The following ZNF473 variants were observed in gnomAD, a reference collection of about 807,000 sequenced individuals.
The protein encoded by ZNF473 is zinc finger protein 473.
A neutral mutation model predicts 11.1 loss-of-function variants in ZNF473; 4 were observed. That is an observed-to-expected ratio of 0.36 (90% CI 0.18 to 0.82). The LOEUF (loss-of-function observed/expected upper bound fraction) is 0.82. Among genes scored for constraint, ZNF473 ranks in the 40% least tolerant of loss-of-function variants. The pLI is 0.49. For synonymous variants in ZNF473, 404 were observed against 390.4 expected (o/e 1.03, Z -0.41); for missense variants, 854 against 1,084.0 (o/e 0.79, Z 2.98).
In ZNF473 at chr19:50,030,904, T is replaced by G; in HGVS notation, c.-179T>G. 1 of 805,222 alleles carries G rather than the reference T, an allele frequency of 1.2e-6. No individual in the cohort carries two copies. Among genetic ancestry groups the G allele is most frequent in the African/African-American group, 1.7e-5 (1 of 58,808 alleles). 49.9% of individuals were successfully genotyped at this position (805,222 alleles called of 1,614,324 possible). ...TTGTCCCCTGCAGGGAGACTCACATTGGGACTTGTCCTCCTCCTCCTGGAC... is the reference window on the plus strand; with the variant it reads ...TTGTCCCCTGCAGGGAGACTCACATGGGGACTTGTCCTCCTCCTCCTGGAC... On this transcript the variant is annotated 5_prime_UTR_variant, in exon 2 of 5. It adds an upstream start codon to the 5' untranslated region. Coordinates refer to ENST00000270617, the MANE Select transcript of ZNF473 (RefSeq NM_015428.4).
Position 50,045,137 on chromosome 19 carries a change from A to C in ZNF473, c.694A>C (p.Thr232Pro). Residue 232 changes from threonine to proline, a missense_variant, in exon 5 of 5, where the codon ACT (threonine) becomes CCT (proline). Around this residue, in one of 2 missense-constraint regions of ZNF473, gnomAD observed 668 missense variants for 790.2 expected, o/e 0.85. Transcript: ENST00000270617. ...YRLTQHWITH[T>P]REKPTVHQEC... ...TCTTACCCAGCACTGGATCACTCAT[A>C]CTAGGGAGAAACCCACTGTCCATCA... 6.2e-7 allele frequency: 1 copy of C among 1,614,182 alleles called. No individual in the cohort carries two copies. Among genetic ancestry groups the C allele is most frequent in the Non-Finnish European group, 8.5e-7 (1 of 1,180,038 alleles).
intron 1 of ZNF473, among the ~76,000 whole-genome samples, chr19:50,026,841 C>T (rs764429069): frequency 5.9e-5 from 9 of 152,068 alleles, no homozygotes; most frequent in Non-Finnish European, 1.2e-4. Context: ...CCAGGCCTCC[C>T]TGATGGCCCT....
At chr19:50,036,969 T>A (rs1978483105) in intron 2 of ZNF473, among the ~76,000 whole-genome samples, 2 of 152,178 alleles carry the variant, frequency 1.3e-5, no homozygotes, top group Admixed American at 1.3e-4. Flanking sequence ...TGGGCCTTGA[T>A]TTTGTTTTCT....
At chr19:50,043,844 G>C (rs1038630542) in intron 4 of ZNF473, among the ~76,000 whole-genome samples, 6 of 150,084 alleles carry the variant, frequency 4.0e-5, no homozygotes, top group Non-Finnish European at 1.5e-5. Context: ...TTTCAGAGAA[G>C]GGTGATAAGC....
chr19:50,036,583 C>T (rs529460343), intron 2 of ZNF473, among the ~76,000 whole-genome samples: 9 of 151,916 alleles, frequency 5.9e-5, no homozygotes, highest in African/African-American at 2.2e-4. Flanking sequence ...CTTGGCCTCC[C>T]AAAGTGCTGG....
At chr19:50,031,118 T>C (rs1195253310) in intron 2 of ZNF473, 27 bp downstream of exon 2, 2 of 1,562,836 alleles carry the variant, frequency 1.3e-6, no homozygotes, top group Non-Finnish European at 1.7e-6. Context: ...TCTGTCCTAA[T>C]CGGTCACACC....
At position 50,047,262 on chromosome 19, in the gene ZNF473, G is replaced by GCC; in HGVS notation, c.*204_*205dup. ...TCAGGATTCAGAGGTAGGCTCTGGA[G>GCC]CCAGTCTACCTTGAGTTAAATCCCA... On this transcript the variant is annotated 3_prime_UTR_variant, in exon 5 of 5. Coordinates refer to ENST00000270617, the MANE Select transcript of ZNF473 (RefSeq NM_015428.4). 1 of 563,712 alleles carries GCC rather than the reference G, an allele frequency of 1.8e-6. No homozygotes were observed. The highest frequency in any genetic ancestry group is 3.1e-6 in the Non-Finnish European group (1 of 321,338). 34.9% of individuals were successfully genotyped at this position (563,712 alleles called of 1,614,324 possible).
chr19:50,041,340 A>C (rs1310601893), intron 3 of ZNF473: 1 of 157,360 alleles, frequency 6.4e-6, no homozygotes, highest in African/African-American at 2.4e-5. Context: ...TGGGACCCTG[A>C]CATTTTCTGT....
In ZNF473 at chr19:50,039,397, C is replaced by G; in HGVS notation, c.136+110C>G. The G allele has an allele frequency of 7.0e-7, 1 of 1,419,952 alleles. No homozygotes were observed. The highest frequency in any genetic ancestry group is 9.6e-7 in the Non-Finnish European group (1 of 1,039,858). 88.0% of individuals were successfully genotyped at this position (1,419,952 alleles called of 1,614,324 possible). A position where few individuals can be genotyped will look rare whatever the true frequency, so the allele number is the denominator to read the frequency against. ...TGGCTCCTGGGCTCCTCAGAATCAG[C>G]ATGACCTAGCCCAGCAGTTCTCAGC... On this transcript the variant is annotated intron_variant, in intron 3 of 4. Coordinates refer to ENST00000270617, the MANE Select transcript of ZNF473 (RefSeq NM_015428.4). The surrounding 1 kb of genome is among the most constrained non-coding windows in gnomAD (Gnocchi z 4.8).
intron 1 of ZNF473, among the ~76,000 whole-genome samples, chr19:50,026,550 T>TAAAAA (rs71180669): frequency 1.7e-5 from 2 of 119,334 alleles, no homozygotes; most frequent in Admixed American, 8.9e-5. Context: ...GACTACATCT[T>TAAAAA]AAAAAAAAAA....
chr19:50,027,186 A>G (rs1039699722), intron 1 of ZNF473, among the ~76,000 whole-genome samples: 1 of 152,114 alleles, frequency 6.6e-6, no homozygotes, highest in Admixed American at 6.5e-5. Flanking sequence ...CACCCCGAGG[A>G]ATCTGGGCCA....
intron 2 of ZNF473, among the ~76,000 whole-genome samples, chr19:50,034,006 G>A (rs987706179): frequency 1.3e-5 from 2 of 152,196 alleles, no homozygotes; most frequent in Non-Finnish European, 2.9e-5. Flanking sequence ...ACATCTTTGT[G>A]TGGGGTGGCG....
chr19:50,047,203 A>T lies in ZNF473; in HGVS notation c.*144A>T, dbSNP rs1979191894. 1 of 744,752 alleles carries T rather than the reference A, an allele frequency of 1.3e-6. No homozygotes were observed. The highest frequency in any genetic ancestry group is 1.8e-5 in the African/African-American group (1 of 56,506). The allele number at this position is 744,752 out of a possible 1,614,324, so 46.1% of individuals were successfully genotyped here. A position where few individuals can be genotyped will look rare whatever the true frequency, so the allele number is the denominator to read the frequency against. Reference sequence around the variant, plus strand: ...TTGTGCGCATGTTTTTCATTATAACAATGAAAACACAAAAGTGGAGAAGCT... The same window carrying T: ...TTGTGCGCATGTTTTTCATTATAACTATGAAAACACAAAAGTGGAGAAGCT... On this transcript the variant is annotated 3_prime_UTR_variant, in exon 5 of 5. Transcript: ENST00000270617.
chr19:50,034,393 T>A (rs1263304026), intron 2 of ZNF473, among the ~76,000 whole-genome samples: 2 of 152,348 alleles, frequency 1.3e-5, no homozygotes, highest in African/African-American at 4.8e-5. Context: ...GTTTAGTATA[T>A]GCCTAATTTA....
chr19:50,028,090 A>G (rs946344818), intron 1 of ZNF473, among the ~76,000 whole-genome samples: 1 of 151,988 alleles, frequency 6.6e-6, no homozygotes, highest in Non-Finnish European at 1.5e-5. Flanking sequence ...CGAGGTCAGG[A>G]GATCGAGACC....
Position 50,044,984 on chromosome 19 carries a change from G to C in ZNF473, c.541G>C (p.Ala181Pro), listed in dbSNP as rs1401391594. Residue 181 changes from alanine to proline, a missense_variant, in exon 5 of 5, where the codon GCT (alanine) becomes CCT (proline). By Grantham distance (27) the Ala-to-Pro change is conservative. Around this residue, in one of 2 missense-constraint regions of ZNF473, gnomAD observed 668 missense variants for 790.2 expected, o/e 0.85. Coordinates refer to ENST00000270617, the MANE Select transcript of ZNF473 (RefSeq NM_015428.4). ...HNVSEKTLTP[A>P]KSKEYRGEFF... ...TGTTTCTGAAAAGACCCTCACACCA[G>C]CTAAGTCTAAGGAATATAGGGGTGA... The C allele has an allele frequency of 6.2e-7, 1 of 1,614,212 alleles. No homozygotes were observed. Among genetic ancestry groups the C allele is most frequent in the Non-Finnish European group, 8.5e-7 (1 of 1,180,042 alleles).
chr19:50,030,131 G>C (rs747865530), intron 1 of ZNF473, among the ~76,000 whole-genome samples: 1 of 152,130 alleles, frequency 6.6e-6, no homozygotes, highest in East Asian at 1.9e-4. Context: ...GATTACAGGC[G>C]TGAGCTACTG....
intron 2 of ZNF473, among the ~76,000 whole-genome samples, chr19:50,038,267 A>G (rs1215292124): frequency 1.3e-5 from 2 of 150,602 alleles, no homozygotes; most frequent in African/African-American, 2.4e-5. Flanking sequence ...AAATAATAAT[A>G]AACACTTATT....
chr19:50,045,159 A>G lies in ZNF473; in HGVS notation c.716A>G (p.His239Arg), dbSNP rs755856475. ...ITHTREKPTVHQECEQGFDRN... is the reference protein window; with the variant it reads ...ITHTREKPTVRQECEQGFDRN... ...CATACTAGGGAGAAACCCACTGTCC[A>G]TCAAGAGTGTGAGCAAGGTTTTGAC... The change falls in exon 5 of 5, where the codon CAT becomes CGT. Residue 239 changes from histidine (H) to arginine (R), a missense_variant. By Grantham distance (29) the His-to-Arg change is conservative (BLOSUM62 0). Coordinates refer to ENST00000270617, the MANE Select transcript of ZNF473 (RefSeq NM_015428.4). 1.2e-6 allele frequency: 2 copies of G among 1,614,220 alleles called. No homozygotes were observed. Among genetic ancestry groups the G allele is most frequent in the East Asian group, 2.2e-5 (1 of 44,886 alleles).
Sources: allele counts gnomAD v4.1 joint callset (sites outside exome capture counted in the v4.1 genomes callset), GRCh38; gene constraint gnomAD v4.1.1; regional missense constraint gnomAD v4.1.1; non-coding constraint Gnocchi (gnomAD v3.1); transcripts MANE v1.5; gene names NCBI Gene and HGNC (gene_info 2026-07-23, HGNC 2026-07-21).